CEP128: variants seen among roughly 807,000 people sequenced by gnomAD.
The protein encoded by CEP128 is centrosomal protein 128.
In CEP128, 132 loss-of-function variants were observed where a neutral mutation model predicts 156.7. That is an observed-to-expected ratio of 0.84 (90% CI 0.73 to 0.97). The LOEUF is 0.97. Among genes scored for constraint, CEP128 ranks in the 50% least tolerant of loss-of-function variants. The pLI, the probability that CEP128 is intolerant of heterozygous loss-of-function variation, is 0.00. For missense variants in CEP128, 1,252 were observed against 1,281.9 expected, an observed-to-expected ratio of 0.98 and a Z score of 0.36; for synonymous variants, 469 against 448.9, an observed-to-expected ratio of 1.04 and a Z score of -0.57.
intron 19 of CEP128, among the ~76,000 whole-genome samples, chr14:80,653,364 G>A (rs1039097201): frequency 2.0e-5 from 3 of 152,018 alleles, no homozygotes; most frequent in Non-Finnish European, 4.4e-5. Flanking sequence ...GGTAGCAGAG[G>A]TCAGTTGATG....
intron 19 of CEP128, among the ~76,000 whole-genome samples, chr14:80,702,560 T>C (rs939784530): frequency 1.3e-5 from 2 of 152,166 alleles, no homozygotes; most frequent in African/African-American, 4.8e-5. Flanking sequence ...CTAGATACTA[T>C]TCAATCACTT....
At chr14:80,700,060 C>T (rs200356743) in intron 19 of CEP128, among the ~76,000 whole-genome samples, 29 of 151,886 alleles carry the variant, frequency 1.9e-4, no homozygotes, top group Middle Eastern at 3.4e-3. Context: ...CTAAGTCCTC[C>T]CACAGATTCT....
rs753136631 is a variant in CEP128, at chr14:80,530,867, T to G, written c.2900A>C (p.Asp967Ala). The G allele has an allele frequency of 1.2e-6, 2 of 1,607,228 alleles. No homozygotes were observed. The highest frequency in any genetic ancestry group is 2.2e-5 in the East Asian group (1 of 44,638). ...TTTCTCAGGCACAGACTCCAGATGG[T>G]CCAAGGCCACTTGGGTACTCTGAAA... Reference protein sequence around the residue: ...ALETSTQVALDHLESVPEKLS... With the variant: ...ALETSTQVALAHLESVPEKLS... Residue 967 changes from aspartate (D) to alanine (A), a missense_variant, in exon 22 of 25, where the codon GAC becomes GCC. Physicochemically the swap from Asp to Ala is moderately radical, Grantham distance 126. Transcript: ENST00000555265.
intron 13 of CEP128, among the ~76,000 whole-genome samples, chr14:80,811,843 T>TAGATAGATAGAC (rs1326680038): frequency 2.6e-5 from 4 of 152,096 alleles, no homozygotes; most frequent in Non-Finnish European, 4.4e-5. Context: ...GATAGATAGA[T>TAGATAGATAGAC]AGATGATAAC....
chr14:80,538,796 T>G (rs12437092), intron 21 of CEP128, among the ~76,000 whole-genome samples: 21,274 of 152,234 alleles, frequency 0.14, 1,644 homozygotes, highest in South Asian at 0.22. Flanking sequence ...TATGTCAGCT[T>G]AGTCATCACT....
intron 9 of CEP128, among the ~76,000 whole-genome samples, chr14:80,848,407 C>G (rs1886715327): frequency 1.3e-5 from 2 of 152,114 alleles, no homozygotes. Context: ...TGCCTTTAAT[C>G]CCAGCACTTT....
intron 19 of CEP128, among the ~76,000 whole-genome samples, chr14:80,625,831 T>A (rs1345768533): frequency 6.6e-6 from 1 of 150,826 alleles, no homozygotes; most frequent in Non-Finnish European, 1.5e-5. Flanking sequence ...TTTTTCTCCC[T>A]TCTTTCTTTT....
intron 14 of CEP128, among the ~76,000 whole-genome samples, chr14:80,479,630 G>A (rs919144847): frequency 6.6e-6 from 1 of 152,140 alleles, no homozygotes; most frequent in Non-Finnish European, 1.5e-5. Flanking sequence ...TACAAGTTGA[G>A]ATTTTGGTGG....
intron 9 of CEP128, among the ~76,000 whole-genome samples, chr14:80,841,774 A>G (rs1044300765): frequency 6.6e-6 from 1 of 151,996 alleles, no homozygotes; most frequent in Non-Finnish European, 1.5e-5. Flanking sequence ...TTAACAACTG[A>G]GGGCACTGCT....
intron 14 of CEP128, among the ~76,000 whole-genome samples, chr14:80,481,252 T>A (rs1234805535): frequency 2.0e-5 from 3 of 152,140 alleles, no homozygotes; most frequent in Non-Finnish European, 4.4e-5. Context: ...CAAAAGGCAC[T>A]TCTTACATGG....
At chr14:80,691,793 A>G (rs1302737899) in intron 19 of CEP128, among the ~76,000 whole-genome samples, 2 of 152,172 alleles carry the variant, frequency 1.3e-5, no homozygotes, top group Non-Finnish European at 2.9e-5. Context: ...TTAAAACTAA[A>G]TAAGTTTTTA....
chr14:80,481,997 C>A (rs1229942839), intron 14 of CEP128, among the ~76,000 whole-genome samples: 2 of 152,262 alleles, frequency 1.3e-5, no homozygotes, highest in Admixed American at 6.5e-5. Context: ...TCTGGTACAG[C>A]TGTACCTTGT....
intron 18 of CEP128, among the ~76,000 whole-genome samples, chr14:80,743,701 T>C (rs1898951080): frequency 6.6e-6 from 1 of 152,182 alleles, no homozygotes; most frequent in Non-Finnish European, 1.5e-5. Flanking sequence ...TAAAAATGCA[T>C]ATCCCCACTG....
chr14:80,710,579 C>T (rs1295388904), intron 19 of CEP128, among the ~76,000 whole-genome samples: 1 of 151,992 alleles, frequency 6.6e-6, no homozygotes, highest in African/African-American at 2.4e-5. Context: ...TAAATACTTT[C>T]ATTAAGTACT....
intron 19 of CEP128, among the ~76,000 whole-genome samples, chr14:80,615,680 C>T (rs985332982): frequency 6.6e-6 from 1 of 152,048 alleles, no homozygotes; most frequent in African/African-American, 2.4e-5. Context: ...GAAACCCCAT[C>T]TCTACTAAAA....
intron 8 of CEP128, among the ~76,000 whole-genome samples, chr14:80,870,586 T>C (rs564105221): frequency 5.3e-5 from 8 of 152,130 alleles, no homozygotes; most frequent in African/African-American, 1.9e-4. Context: ...AGACATAGAA[T>C]GAGTTTATTT....
At chr14:80,849,328 C>A (rs1384209657) in intron 9 of CEP128, among the ~76,000 whole-genome samples, 3 of 152,170 alleles carry the variant, frequency 2.0e-5, no homozygotes, top group African/African-American at 7.2e-5. Context: ...GAACTGGAAA[C>A]TGGGAGCTCC....
At chr14:80,656,267 C>A (rs1895130866) in intron 19 of CEP128, among the ~76,000 whole-genome samples, 4 of 93,006 alleles carry the variant, frequency 4.3e-5, no homozygotes, top group South Asian at 3.6e-4. Flanking sequence ...CTCAATAAAC[C>A]TAAGTTTTTA....
At chr14:80,501,566 G>A (rs765297902) in intron 24 of CEP128, among the ~76,000 whole-genome samples, 4 of 151,160 alleles carry the variant, frequency 2.6e-5, no homozygotes, top group East Asian at 2.0e-4. Context: ...GTGCAGTGGC[G>A]TGATCTTGGC....
Sources: gnomAD v4.1 joint callset for allele counts (sites outside exome capture counted in the v4.1 genomes callset) on GRCh38, gnomAD v4.1.1 for gene constraint, MANE v1.5 for transcripts, NCBI Gene and HGNC (gene_info 2026-07-23, HGNC 2026-07-21) for gene names.